Variants in LMO7 observed in about 807,000 individuals in gnomAD.
LMO7 encodes the protein LIM domain 7.
LMO7 carries 120 observed loss-of-function variants against 206.5 expected under a neutral mutation model. The ratio of observed to expected loss-of-function variants is 0.58; its 90% CI spans 0.50 to 0.68. LMO7 has a LOEUF of 0.68. Ranked by LOEUF, LMO7 falls within the 30% of genes least tolerant of loss-of-function variation. The probability of loss-of-function intolerance (pLI) is 0.00; values close to 1 mark genes in which losing one functional copy is unlikely to be tolerated. For missense variants in LMO7, 1,959 were observed against 1,957.9 expected (o/e 1.00, Z -0.01); for synonymous variants, 706 against 681.5 (o/e 1.04, Z -0.56).
intron 1 of LMO7, among the ~76,000 whole-genome samples, chr13:75,672,914 T>A (rs2039711783): frequency 9.2e-6 from 1 of 108,900 alleles, no homozygotes; most frequent in African/African-American, 2.9e-5. Context: ...AATAGGTGAC[T>A]TGATATGTGT....
At chr13:75,856,095 G>A (rs1355442615) in intron 29 of LMO7, among the ~76,000 whole-genome samples, 1 of 152,176 alleles carries the variant, frequency 6.6e-6, no homozygotes, top group Non-Finnish European at 1.5e-5. Context: ...GGGAACACTT[G>A]CTAAGCTAGT....
chr13:75,774,042 A>C lies in LMO7; in HGVS notation c.317+13004A>C, dbSNP rs1452660677. On this transcript the variant is annotated intron_variant, in intron 4 of 30. Coordinates refer to ENST00000377534, the MANE Select transcript of LMO7 (RefSeq NM_001306080.2). ...TATGCTGTTTTCTTCTCTAGGAGAC[A>C]CTTCTTACCCATCTTTGCCTTTTGT... Among the ~76,000 whole-genome samples the C allele has an allele frequency of 2.0e-5, 3 of 152,146 alleles. No individual in the cohort carries two copies. In the South Asian group the frequency reaches 6.2e-4, roughly 32 times the overall value.
chr13:75,652,179 C>T, intron 1 of LMO7, among the ~76,000 whole-genome samples: 1 of 151,184 alleles, frequency 6.6e-6, no homozygotes, highest in South Asian at 2.1e-4. Flanking sequence ...CTTCCAAGTT[C>T]CTTTAATTTT....
chr13:75,848,821 C>T (rs1055964538), intron 26 of LMO7, among the ~76,000 whole-genome samples: 7 of 152,208 alleles, frequency 4.6e-5, no homozygotes, highest in Non-Finnish European at 8.8e-5. Flanking sequence ...ATAGTTCTTT[C>T]AGGAAGCTAC....
chr13:75,809,741 T>A (rs2056057184), intron 11 of LMO7, among the ~76,000 whole-genome samples: 1 of 152,170 alleles, frequency 6.6e-6, no homozygotes, highest in East Asian at 1.9e-4. Flanking sequence ...AAAAAAGTTA[T>A]AACATGGCTA....
chr13:75,762,695 A>G (rs1253908785), intron 4 of LMO7, among the ~76,000 whole-genome samples: 3 of 152,188 alleles, frequency 2.0e-5, no homozygotes, highest in Admixed American at 2.0e-4. Flanking sequence ...TGTAGTGAGA[A>G]GCATGCAGAA....
At chr13:75,697,643 T>A (rs2041998361) in intron 1 of LMO7, among the ~76,000 whole-genome samples, 1 of 152,220 alleles carries the variant, frequency 6.6e-6, no homozygotes, top group Non-Finnish European at 1.5e-5. Flanking sequence ...CTTTTCTTTG[T>A]TATCTTGAAA....
intron 10 of LMO7, among the ~76,000 whole-genome samples, chr13:75,808,426 TGTATATACA>T (rs1209680501): frequency 6.6e-6 from 1 of 152,206 alleles, no homozygotes; most frequent in Non-Finnish European, 1.5e-5. Context: ...TGTTTAAGAC[TGTATATACA>T]TAAACCTTGC....
intron 3 of LMO7, among the ~76,000 whole-genome samples, chr13:75,747,658 C>A (rs887526766): frequency 6.6e-5 from 10 of 152,268 alleles, no homozygotes; most frequent in African/African-American, 2.4e-4. Flanking sequence ...AGGACATAAC[C>A]CACAGGGACT....
At chr13:75,836,519 G>T in intron 19 of LMO7, 62 bp downstream of exon 19, 1 of 860,972 alleles carries the variant, frequency 1.2e-6, no homozygotes, top group Non-Finnish European at 1.8e-6. Flanking sequence ...CTCAAGTTCT[G>T]CTGTTATAAA....
Position 75,859,707 on chromosome 13 carries a change from A to G in LMO7, c.*1764A>G, listed in dbSNP as rs2139847324. ...TATATTGCCAAAGTGGTTTCCAGAA[A>G]GGCACTGCTGGCTTCGACTCCTATA... On this transcript the variant is annotated 3_prime_UTR_variant, in exon 31 of 31. Transcript: ENST00000377534. 1 of 152,320 alleles carries G rather than the reference A, an allele frequency of 6.6e-6. No homozygotes were observed. Among genetic ancestry groups the G allele is most frequent in the East Asian group, 1.9e-4 (1 of 5,180 alleles). 9.4% of individuals were successfully genotyped at this position (152,320 alleles called of 1,614,324 possible).
chr13:75,841,631 C>T lies in LMO7; in HGVS notation c.3679C>T (p.Leu1227=), dbSNP rs529574059. The stretch of plus-strand genomic sequence containing the variant: ...TCTTTTTTCACTGGTCACCTAGGAA[C>T]TGATGGTCCTAAGCTCAAACAGCAT... ...RENSKYLDEE[L]MVLSSNSMSL... is the part of the protein sequence containing the mutation. The change falls in exon 24 of 31, where the codon CTG becomes TTG. Residue 1227 remains leucine, a synonymous_variant. Transcript: ENST00000377534. 2.5e-6 allele frequency: 4 copies of T among 1,601,934 alleles called. No individual in the cohort carries two copies. In the African/African-American group the frequency reaches 5.4e-5, roughly 22 times the overall value.
intron 4 of LMO7, among the ~76,000 whole-genome samples, chr13:75,770,191 C>T (rs201729257): frequency 1.2e-4 from 11 of 89,788 alleles, no homozygotes; most frequent in Middle Eastern, 5.1e-3. Flanking sequence ...TTTTTTTTTT[C>T]CCCACCGAAG....
rs768745940 is a variant in LMO7 at position 75,838,144 on chromosome 13, T to C, written c.3399T>C (p.Ser1133=). 4 of 1,576,660 alleles carry C rather than the reference T, an allele frequency of 2.5e-6. No homozygotes were observed. Among genetic ancestry groups the C allele is most frequent in the South Asian group, 1.1e-5 (1 of 90,238 alleles). The part of the protein sequence containing the change: ...DESNAFESKA[S]ESISLKNLKR... ...GTTTATTTTTTTTTCAACTAGCATC[T>C]GAATCCATTTCTTTGAAAAACTTAA... is the stretch of plus-strand genomic sequence containing the variant. The change falls in exon 20 of 31, where the codon TCT becomes TCC. Residue 1133 remains serine (S), a synonymous_variant. Transcript: ENST00000377534.
intron 3 of LMO7, among the ~76,000 whole-genome samples, chr13:75,728,259 A>G (rs1594567352): frequency 6.6e-6 from 1 of 152,036 alleles, no homozygotes; most frequent in Non-Finnish European, 1.5e-5. Flanking sequence ...AAGTGTTCCT[A>G]TTTCTCCACA....
upstream of LMO7, among the ~76,000 whole-genome samples, chr13:75,635,613 CA>C (rs1387898671): frequency 6.6e-6 from 1 of 152,154 alleles, no homozygotes; most frequent in Admixed American, 6.5e-5. Flanking sequence ...GTGGGGAATG[CA>C]AGGAACCCTC....
At chr13:75,787,883 A>G (rs2052681484) in intron 4 of LMO7, among the ~76,000 whole-genome samples, 1 of 152,200 alleles carries the variant, frequency 6.6e-6, no homozygotes, top group African/African-American at 2.4e-5. Flanking sequence ...AAAGAAGTGA[A>G]GTATTCTAAG....
At chr13:75,650,619 G>A (rs2037463002) in intron 1 of LMO7, among the ~76,000 whole-genome samples, 2 of 152,180 alleles carry the variant, frequency 1.3e-5, no homozygotes, top group African/African-American at 2.4e-5. Flanking sequence ...ATGGTCATAT[G>A]TTCTTGGACT....
intron 3 of LMO7, among the ~76,000 whole-genome samples, chr13:75,734,931 C>G (rs1379421719): frequency 6.6e-6 from 1 of 152,110 alleles, no homozygotes; most frequent in African/African-American, 2.4e-5. Flanking sequence ...AACCCTGTCT[C>G]TACTAAAAAT....
Sources: allele counts gnomAD v4.1 joint callset (sites outside exome capture counted in the v4.1 genomes callset), GRCh38; gene constraint gnomAD v4.1.1; transcripts MANE v1.5; gene names NCBI Gene and HGNC (gene_info 2026-07-23, HGNC 2026-07-21).